Variants in DR1 observed in about 807,000 individuals in gnomAD.
DR1 encodes down-regulator of transcription 1.
A neutral mutation model predicts 19.9 loss-of-function variants in DR1; 7 were observed. The ratio of observed to expected loss-of-function variants is 0.35; its 90% CI spans 0.20 to 0.66. The LOEUF (loss-of-function observed/expected upper bound fraction) is 0.66, where lower values mean the gene tolerates loss of function less well. Ranked by LOEUF, DR1 falls within the 30% of genes least tolerant of loss-of-function variation. DR1 has a pLI of 0.66. For synonymous variants in DR1, 76 were observed against 72.5 expected, an observed-to-expected ratio of 1.05 and a Z score of -0.24; for missense variants, 98 against 203.7, an observed-to-expected ratio of 0.48 and a Z score of 3.16.
intron 2 of DR1, among the ~76,000 whole-genome samples, chr1:93,358,457 G>A (rs899139070): frequency 6.6e-6 from 1 of 152,176 alleles, no homozygotes; most frequent in Non-Finnish European, 1.5e-5. Context: ...TCCTGTAGCA[G>A]AGACTGAACG....
Position 93,346,656 on chromosome 1 carries a change from C to T in DR1, c.11C>T (p.Ser4Leu), listed in dbSNP as rs780919729. The T allele has an allele frequency of 2.4e-5, 39 of 1,613,794 alleles. No homozygotes were observed. Among genetic ancestry groups the T allele is most frequent in the Middle Eastern group, 1.7e-4 (1 of 6,030 alleles). Residue 4 changes from serine (S) to leucine (L), a missense_variant, in exon 1 of 3, where the codon TCG (serine) becomes TTG (leucine). Ser to Leu is a moderately radical substitution (Grantham distance 145). Coordinates refer to ENST00000370272, the MANE Select transcript of DR1 (RefSeq NM_001938.3). MASSSGNDDDLTIP... is the reference protein window; with the variant it reads MASLSGNDDDLTIP... ...AAACAGGAAGGTACTATGGCTTCCT[C>T]GTCTGGCAACGATGATGATCTCACT...
Position 93,366,544 on chromosome 1 carries a change from A to G in DR1, c.*5905A>G, listed in dbSNP as rs1013819016. ...GTTTAAGAAAAACAACATATAATGA[A>G]ATCAATTTTACCATAGGTGAACTGA... On this transcript the variant is annotated 3_prime_UTR_variant, in exon 3 of 3. Coordinates refer to ENST00000370272, the MANE Select transcript of DR1 (RefSeq NM_001938.3). 6.6e-6 allele frequency: 1 copy of G among 152,222 alleles called. No homozygotes were observed. Among genetic ancestry groups the G allele is most frequent in the African/African-American group, 2.4e-5 (1 of 41,452 alleles). The allele number at this position is 152,222 out of a possible 1,614,324, so 9.4% of individuals were successfully genotyped here.
rs55792701 is a variant in DR1 at position 93,362,826 on chromosome 1, C to CTTTTTTTTTTTT, written c.*2204_*2215dup. 9.5e-5 allele frequency: 5 copies of CTTTTTTTTTTTT among 52,848 alleles called. No homozygotes were observed. The highest frequency in any genetic ancestry group is 2.4e-4 in the African/African-American group (3 of 12,624). The allele number at this position is 52,848 out of a possible 1,614,324, so 3.3% of individuals were successfully genotyped here. A position where few individuals can be genotyped will look rare whatever the true frequency, so the allele number is the denominator to read the frequency against. On this transcript the variant is annotated 3_prime_UTR_variant, in exon 3 of 3. Transcript: ENST00000370272. ...GCAATATTTTATTTTTAGGTTTTTT[C>CTTTTTTTTTTTT]TTTTTTTTTTTTTTTTTTTTTTTTT...
In DR1 at chr1:93,362,838, T is replaced by C. The variant is rs1570714787; in HGVS notation, c.*2199T>C. ...TTTTAGGTTTTTTCTTTTTTTTTTT[T>C]TTTTTTTTTTTTTTTTAGCATTTAA... On this transcript the variant is annotated 3_prime_UTR_variant, in exon 3 of 3. Transcript: ENST00000370272. 1.4e-5 allele frequency: 2 copies of C among 143,600 alleles called. No homozygotes were observed. Among genetic ancestry groups the C allele is most frequent in the Admixed American group, 6.9e-5 (1 of 14,432 alleles). The allele number at this position is 143,600 out of a possible 1,614,324, so 8.9% of individuals were successfully genotyped here. A position where few individuals can be genotyped will look rare whatever the true frequency, so the allele number is the denominator to read the frequency against.
chr1:93,356,743 A>C (rs1434983386), intron 2 of DR1, among the ~76,000 whole-genome samples: 1 of 142,186 alleles, frequency 7.0e-6, no homozygotes, highest in Non-Finnish European at 1.5e-5. Context: ...TTTTTTTGAG[A>C]TGGAGTCTTG....
At position 93,366,713 on chromosome 1, in the gene DR1, G is replaced by T. The variant is rs929165003; in HGVS notation, c.*6074G>T. ...ATACATTTAAAAAGGATAAAAACAAGTAAGAATTGGCTGGACATGGTGGCT... is the reference window on the plus strand; with the variant it reads ...ATACATTTAAAAAGGATAAAAACAATTAAGAATTGGCTGGACATGGTGGCT... On this transcript the variant is annotated 3_prime_UTR_variant, in exon 3 of 3. Transcript: ENST00000370272. 5.3e-5 allele frequency: 8 copies of T among 152,124 alleles called. No homozygotes were observed. The highest frequency in any genetic ancestry group is 1.2e-4 in the Non-Finnish European group (8 of 68,026). 9.4% of individuals were successfully genotyped at this position (152,124 alleles called of 1,614,324 possible).
intron 1 of DR1, among the ~76,000 whole-genome samples, chr1:93,352,217 C>T (rs1223213553): frequency 6.6e-6 from 1 of 152,096 alleles, no homozygotes; most frequent in Non-Finnish European, 1.5e-5. Context: ...CTACAGGCGC[C>T]TGCCACCACG....
intron 1 of DR1, among the ~76,000 whole-genome samples, chr1:93,352,740 A>ATGTT (rs935348405): frequency 6.6e-6 from 1 of 152,190 alleles, no homozygotes; most frequent in Non-Finnish European, 1.5e-5. Flanking sequence ...TTTGCCACCT[A>ATGTT]TGTTTCATCA....
chr1:93,347,284 C>G (rs1390753398), intron 1 of DR1, among the ~76,000 whole-genome samples: 1 of 152,168 alleles, frequency 6.6e-6, no homozygotes, highest in Non-Finnish European at 1.5e-5. Context: ...CCCCACCTGA[C>G]CTTTCACCAA....
rs934532806 is a variant in DR1, at chr1:93,346,429, G to A, written c.-217G>A. 1 of 572,458 alleles carries A rather than the reference G, an allele frequency of 1.7e-6. No homozygotes were observed. The highest frequency in any genetic ancestry group is 3.1e-6 in the Non-Finnish European group (1 of 320,432). 35.5% of individuals were successfully genotyped at this position (572,458 alleles called of 1,614,324 possible). ...GCTGTGCTCTCTCTAGAATCCTCGG[G>A]CCCCCACTTTCTTCCCAAACTCATC... On this transcript the variant is annotated 5_prime_UTR_variant, in exon 1 of 3. Coordinates refer to ENST00000370272, the MANE Select transcript of DR1 (RefSeq NM_001938.3).
At chr1:93,347,113 A>AT (rs1666856177) in intron 1 of DR1, among the ~76,000 whole-genome samples, 1 of 152,244 alleles carries the variant, frequency 6.6e-6, no homozygotes, top group African/African-American at 2.4e-5. Context: ...AACGTAAAGA[A>AT]TAAGAGTGAT....
chr1:93,358,935 T>C (rs907854331), intron 2 of DR1, among the ~76,000 whole-genome samples: 1 of 152,198 alleles, frequency 6.6e-6, no homozygotes, highest in African/African-American at 2.4e-5. Context: ...GGCAGGAAAT[T>C]TCACATAGGA....
intron 1 of DR1, among the ~76,000 whole-genome samples, chr1:93,348,321 G>A (rs537880398): frequency 6.6e-6 from 1 of 151,594 alleles, no homozygotes; most frequent in Admixed American, 6.6e-5. Context: ...TGTGATTGCT[G>A]TCATAAGTCT....
At chr1:93,356,856 G>A (rs763748493) in intron 2 of DR1, among the ~76,000 whole-genome samples, 9 of 151,906 alleles carry the variant, frequency 5.9e-5, no homozygotes, top group Non-Finnish European at 7.4e-5. Context: ...CAAGTAGCTG[G>A]GATTACAGGC....
intron 2 of DR1, among the ~76,000 whole-genome samples, chr1:93,356,513 T>C (rs925820941): frequency 6.6e-6 from 1 of 152,180 alleles, no homozygotes; most frequent in African/African-American, 2.4e-5. Flanking sequence ...GAAATGTAAC[T>C]AGTACACAGC....
rs977610802 is a variant in DR1 at position 93,346,109 on chromosome 1, C to T, written c.-537C>T. The T allele has an allele frequency of 2.9e-5, 6 of 210,048 alleles. No homozygotes were observed. Among genetic ancestry groups the T allele is most frequent in the Non-Finnish European group, 5.7e-5 (6 of 105,916 alleles). The allele number at this position is 210,048 out of a possible 1,614,324, so 13.0% of individuals were successfully genotyped here. On this transcript the variant is annotated 5_prime_UTR_variant, in exon 1 of 3. Transcript: ENST00000370272. The stretch of plus-strand genomic sequence containing the variant: ...CCAGCAGCGGCAGCGGCAGCGGCAG[C>T]GGCGGACATGTTGTGAGGCGGCGGC...
intron 1 of DR1, among the ~76,000 whole-genome samples, chr1:93,347,717 T>G (rs1254328822): frequency 6.6e-6 from 1 of 152,142 alleles, no homozygotes; most frequent in Non-Finnish European, 1.5e-5. Flanking sequence ...AAGGATTTGG[T>G]CCCGTAATAG....
chr1:93,347,405 G>T (rs1666863117), intron 1 of DR1, among the ~76,000 whole-genome samples: 1 of 152,204 alleles, frequency 6.6e-6, no homozygotes, highest in Admixed American at 6.5e-5. Context: ...TATGTTTTCT[G>T]CTCTAAAAAT....
At chr1:93,358,317 G>A (rs1189983137) in intron 2 of DR1, among the ~76,000 whole-genome samples, 1 of 50,158 alleles carries the variant, frequency 2.0e-5, no homozygotes, top group African/African-American at 5.4e-5. Flanking sequence ...ATTAGACTCT[G>A]TTGCCATATG....
Sources: gnomAD v4.1 joint callset for allele counts (sites outside exome capture counted in the v4.1 genomes callset) on GRCh38, gnomAD v4.1.1 for gene constraint, MANE v1.5 for transcripts, NCBI Gene and HGNC (gene_info 2026-07-23, HGNC 2026-07-21) for gene names.